The following TBCD variants were observed in gnomAD, a reference collection of about 807,000 sequenced individuals.
TBCD encodes the protein tubulin folding cofactor D, also known as tubulin-specific chaperone D.
TBCD carries 105 observed loss-of-function variants against 169.3 expected under a neutral mutation model. The ratio of observed to expected loss-of-function variants is 0.62; its 90% CI spans 0.53 to 0.73. The LOEUF is 0.73. Ranked by LOEUF, TBCD falls within the 30% of genes least tolerant of loss-of-function variation. The pLI, the probability that TBCD is intolerant of heterozygous loss-of-function variation, is 0.00. For synonymous variants in TBCD, 700 were observed against 643.9 expected, an observed-to-expected ratio of 1.09 and a Z score of -1.32; for missense variants, 1,444 against 1,600.1, an observed-to-expected ratio of 0.90 and a Z score of 1.66.
At chr17:82,836,913 G>T (rs1466088079) in intron 13 of TBCD, among the ~76,000 whole-genome samples, 4 of 152,138 alleles carry the variant, frequency 2.6e-5, no homozygotes, top group Admixed American at 6.6e-5. Context: ...CACGTAAGCG[G>T]GTGTGGCAGG....
chr17:82,859,836 G>A (rs1011096983), intron 13 of TBCD: 7 of 985,312 alleles, frequency 7.1e-6, no homozygotes, highest in African/African-American at 1.7e-5. Context: ...ATCAGTGGGC[G>A]GTGAGTTGGG....
At position 82,782,915 on chromosome 17, in the gene TBCD, C is replaced by T. The variant is rs1054959667; in HGVS notation, c.771+1194C>T. On this transcript the variant is annotated intron_variant, in intron 7 of 38. Coordinates refer to ENST00000355528, the MANE Select transcript of TBCD (RefSeq NM_005993.5). This position sits in a 1 kb window ranked among gnomAD's most constrained non-coding sequence, Gnocchi z 5.1. ...GGCGTTGTCTTCCTGTCTGCGGTGT[C>T]GTCTTCCTGTCCATGGCGGCCTCCT... 1.3e-5 allele frequency among the ~76,000 whole-genome samples: 2 copies of T among 151,356 alleles called. No homozygotes were observed. The highest frequency in any genetic ancestry group is 2.9e-5 in the Non-Finnish European group (2 of 67,850).
At chr17:82,891,731 G>C (rs1033709812) in intron 16 of TBCD, among the ~76,000 whole-genome samples, 2 of 152,160 alleles carry the variant, frequency 1.3e-5, no homozygotes, top group Admixed American at 6.5e-5. Flanking sequence ...CAGCAGGGAT[G>C]GGGGGTGGTT....
chr17:82,794,541 ATTTTATGGCCTAG>A (rs1425789341), intron 7 of TBCD, among the ~76,000 whole-genome samples: 1 of 152,056 alleles, frequency 6.6e-6, no homozygotes, highest in Non-Finnish European at 1.5e-5. Context: ...TGTGCCCCCC[ATTTTATGGCCTAG>A]CTTATGAGCA....
At chr17:82,902,532 G>A (rs560581325) in intron 18 of TBCD, among the ~76,000 whole-genome samples, 151 of 152,264 alleles carry the variant, frequency 9.9e-4, no homozygotes, top group African/African-American at 3.3e-3. Context: ...CACATGAGAC[G>A]CCACCTGCCT....
chr17:82,768,637 G>A (rs2048145647), intron 5 of TBCD, 71 bp downstream of exon 5: 1 of 1,525,700 alleles, frequency 6.6e-7, no homozygotes, highest in South Asian at 1.2e-5. Flanking sequence ...TGATGTTAGT[G>A]GTTTACTCGG....
intron 37 of TBCD, 54 bp from the exon 38 acceptor site, chr17:82,941,345 C>T: frequency 4.0e-6 from 6 of 1,495,894 alleles, no homozygotes; most frequent in Non-Finnish European, 5.4e-6. Flanking sequence ...CTCCGCACAC[C>T]TGAGGTTCTC....
At chr17:82,896,862 C>T (rs939662803) in intron 17 of TBCD, among the ~76,000 whole-genome samples, 15 of 151,520 alleles carry the variant, frequency 9.9e-5, no homozygotes, top group Admixed American at 7.2e-4. Context: ...GGGTCCTTGC[C>T]GGCGCTGGGG....
At chr17:82,768,046 C>T (rs1568104208) in intron 4 of TBCD, among the ~76,000 whole-genome samples, 1 of 152,024 alleles carries the variant, frequency 6.6e-6, no homozygotes, top group Non-Finnish European at 1.5e-5. Flanking sequence ...CCACACCTGG[C>T]CTTTTTTCTT....
At position 82,752,220 on chromosome 17, in the gene TBCD, G is replaced by C. The variant is rs2143700827; in HGVS notation, c.27G>C (p.Ala9=). MALSDEPA[A]GGPEEEAEDE... is the part of the protein sequence containing the mutation. ...TGGCCCTGAGCGACGAACCGGCCGC[G>C]GGCGGCCCCGAGGAGGAGGCGGAGG... The change falls in exon 1 of 39, where the codon GCG becomes GCC. Residue 9 remains alanine, a synonymous_variant. Coordinates refer to ENST00000355528, the MANE Select transcript of TBCD (RefSeq NM_005993.5). 1.3e-6 allele frequency: 2 copies of C among 1,525,076 alleles called. No homozygotes were observed. Among genetic ancestry groups the C allele is most frequent in the East Asian group, 2.7e-5 (1 of 37,610 alleles). The allele number at this position is 1,525,076 out of a possible 1,614,324, so 94.5% of individuals were successfully genotyped here.
In TBCD at chr17:82,835,954, GGGTGACACCCT is replaced by G. The variant is rs1208353037; in HGVS notation, c.1318+21023_1318+21033del. Among the ~76,000 whole-genome samples the G allele has an allele frequency of 2.6e-5, 4 of 152,156 alleles. No homozygotes were observed. In the East Asian group the frequency reaches 7.7e-4, roughly 29 times the overall value. On this transcript the variant is annotated intron_variant, in intron 13 of 38. Transcript: ENST00000355528. The surrounding 1 kb of genome is among the most constrained non-coding windows in gnomAD (Gnocchi z 4.5). The stretch of plus-strand genomic sequence containing the variant: ...TTACCCTACAACCAGGGAGGGTGTC[GGGTGACACCCT>G]GGGCTCAGACCCCGCGCTCAGCACC...
chr17:82,837,095 G>A (rs544813828), intron 13 of TBCD, among the ~76,000 whole-genome samples: 14 of 152,350 alleles, frequency 9.2e-5, no homozygotes, highest in Non-Finnish European at 1.9e-4. Flanking sequence ...TAAGCCGGGC[G>A]TAGGTCACCT....
intron 13 of TBCD, chr17:82,838,503 G>A: frequency 2.9e-6 from 1 of 350,242 alleles, no homozygotes; most frequent in Non-Finnish European, 4.0e-6. Context: ...CAAGGAGCCT[G>A]CTCGGCTGGA....
intron 2 of TBCD, among the ~76,000 whole-genome samples, chr17:82,759,523 G>A (rs773246627): frequency 4.6e-5 from 7 of 152,010 alleles, no homozygotes; most frequent in Non-Finnish European, 8.8e-5. Flanking sequence ...TCAGGGTCAC[G>A]CTGTGTTCCT....
intron 2 of TBCD, among the ~76,000 whole-genome samples, chr17:82,759,422 G>T (rs761474471): frequency 2.0e-5 from 3 of 152,150 alleles, no homozygotes; most frequent in Non-Finnish European, 2.9e-5. Context: ...AGGACGCGGA[G>T]GTAGCAGTGA....
chr17:82,816,010 C>G (rs191868667), intron 13 of TBCD, among the ~76,000 whole-genome samples: 5 of 152,052 alleles, frequency 3.3e-5, no homozygotes, highest in Admixed American at 3.3e-4. Flanking sequence ...ATTTAATTTC[C>G]GAACATTTTC....
chr17:82,767,130 C>T (rs1418824900), intron 4 of TBCD, among the ~76,000 whole-genome samples: 1 of 152,202 alleles, frequency 6.6e-6, no homozygotes, highest in Non-Finnish European at 1.5e-5. Flanking sequence ...GATACCAGCC[C>T]AGGGCCGGCC....
intron 21 of TBCD, among the ~76,000 whole-genome samples, chr17:82,908,650 C>G (rs867432469): frequency 1.3e-5 from 2 of 152,186 alleles, no homozygotes; most frequent in African/African-American, 2.4e-5. Context: ...GGTGTCTGGC[C>G]TCCCCCTCTG....
intron 36 of TBCD, 62 bp downstream of exon 36, chr17:82,938,198 A>G (rs1056080379): frequency 1.1e-5 from 17 of 1,533,316 alleles, no homozygotes; most frequent in South Asian, 1.2e-5. Flanking sequence ...CAGTGACAAG[A>G]AGGCCTTCGC....
Sources: gnomAD v4.1 joint callset for allele counts (sites outside exome capture counted in the v4.1 genomes callset) on GRCh38, gnomAD v4.1.1 for gene constraint, Gnocchi (gnomAD v3.1) non-coding constraint, MANE v1.5 for transcripts, NCBI Gene and HGNC (gene_info 2026-07-23, HGNC 2026-07-21) for gene names.